ZNF506: variants seen among roughly 807,000 people sequenced by gnomAD.
ZNF506 encodes zinc finger protein 506.
Under a neutral mutation model 11.6 loss-of-function variants are expected in ZNF506, and 10 were observed. The observed-to-expected ratio is 0.86, with a 90% CI of 0.53 to 1.46. The LOEUF is 1.46. ZNF506 is among the 40% of genes most tolerant of loss of function. ZNF506 has a pLI of 0.00. For missense variants in ZNF506, 425 were observed against 521.2 expected (o/e 0.82, Z 1.80); for synonymous variants, 156 against 173.3 (o/e 0.90, Z 0.78).
At chr19:19,807,632 G>C (rs560462463) in intron 1 of ZNF506, among the ~76,000 whole-genome samples, 18 of 152,098 alleles carry the variant, frequency 1.2e-4, no homozygotes, top group Non-Finnish European at 2.2e-4. Context: ...TCAGCCTCCC[G>C]AGTAGCTGGG....
chr19:19,799,853 C>CAA (rs1390612857), intron 3 of ZNF506, among the ~76,000 whole-genome samples: 1 of 95,632 alleles, frequency 1.0e-5, no homozygotes, highest in African/African-American at 3.6e-5. Context: ...TCTAAAAAGA[C>CAA]AAAGTACCCA....
At chr19:19,806,808 C>A in intron 2 of ZNF506, 134 bp downstream of exon 2, 1 of 1,124,368 alleles carries the variant, frequency 8.9e-7, no homozygotes, top group East Asian at 3.0e-5. Context: ...TGAAAAAATT[C>A]TGAAGATTTT....
At chr19:19,807,469 G>GT (rs552773353) in intron 1 of ZNF506, among the ~76,000 whole-genome samples, 48 of 151,236 alleles carry the variant, frequency 3.2e-4, no homozygotes, top group African/African-American at 5.6e-4. Context: ...TGTTATGCAG[G>GT]TTTTTTTTTC....
chr19:19,819,681 G>T (rs1042978330), intron 1 of ZNF506, among the ~76,000 whole-genome samples: 1 of 152,178 alleles, frequency 6.6e-6, no homozygotes, highest in Non-Finnish European at 1.5e-5. Flanking sequence ...AAAAATAAAA[G>T]ACAAAGAGGC....
chr19:19,814,380 C>T (rs2062911162), intron 1 of ZNF506, among the ~76,000 whole-genome samples: 1 of 138,548 alleles, frequency 7.2e-6, no homozygotes, highest in African/African-American at 2.6e-5. Flanking sequence ...TGCACACCAC[C>T]CTGGGCAGCA....
intron 3 of ZNF506, among the ~76,000 whole-genome samples, chr19:19,803,331 G>A (rs529806526): frequency 1.5e-4 from 23 of 152,304 alleles, no homozygotes; most frequent in Non-Finnish European, 2.6e-4. Flanking sequence ...CCCTGGAACA[G>A]TTCAATGACT....
At chr19:19,805,428 AGT>A (rs972834686) in intron 3 of ZNF506, among the ~76,000 whole-genome samples, 44 of 151,812 alleles carry the variant, frequency 2.9e-4, no homozygotes, top group African/African-American at 1.0e-3. Context: ...TTAAAATTGC[AGT>A]GTTTTTTTTT....
intron 1 of ZNF506, among the ~76,000 whole-genome samples, chr19:19,809,756 T>C (rs2062870092): frequency 1.3e-5 from 2 of 152,196 alleles, no homozygotes; most frequent in South Asian, 4.1e-4. Flanking sequence ...AATGGAAATA[T>C]GTGCCACACT....
intron 1 of ZNF506, among the ~76,000 whole-genome samples, chr19:19,815,101 C>CA (rs571949854): frequency 0.015 from 2,211 of 150,922 alleles, 42 homozygotes; most frequent in Middle Eastern, 0.058. Flanking sequence ...ACTAAAAATA[C>CA]AAAAAAAAAT....
intron 3 of ZNF506, among the ~76,000 whole-genome samples, chr19:19,799,872 C>CAA (rs35531969): frequency 7.8e-6 from 1 of 128,758 alleles, no homozygotes. Context: ...CAACAGTCTT[C>CAA]AAAAAAAAAA....
At chr19:19,814,745 T>G (rs1189596610) in intron 1 of ZNF506, among the ~76,000 whole-genome samples, 1 of 150,330 alleles carries the variant, frequency 6.7e-6, no homozygotes, top group African/African-American at 2.4e-5. Context: ...GCAATGTAGG[T>G]GAGAGGACTG....
chr19:19,795,307 TTTTCTTATATGTAGTACGGGTTGAAGAC>T lies in ZNF506; in HGVS notation c.552_579del (p.Ser185LeufsTer56). ...TTATAGCGTTTCTCTCCAGCATCAA[TTTTCTTATATGTAGTACGGGTTGAAGAC>T]TGGTTAAAAGTTTTCCCATATTCTA... On this transcript the variant is annotated frameshift_variant, in exon 4 of 4. Transcript: ENST00000540806. LOFTEE classifies it low-confidence loss of function (END_TRUNC). 1 of 1,613,992 alleles carries T rather than the reference TTTTCTTATATGTAGTACGGGTTGAAGAC, an allele frequency of 6.2e-7. No individual in the cohort carries two copies. The highest frequency in any genetic ancestry group is 8.5e-7 in the Non-Finnish European group (1 of 1,179,972).
intron 1 of ZNF506, among the ~76,000 whole-genome samples, chr19:19,811,664 C>T (rs1466456080): frequency 3.3e-5 from 5 of 151,942 alleles, no homozygotes; most frequent in Admixed American, 6.6e-5. Flanking sequence ...TAGCCGGATG[C>T]GATGGCAGGC....
chr19:19,818,561 A>C (rs1358072408), intron 1 of ZNF506, among the ~76,000 whole-genome samples: 1 of 152,246 alleles, frequency 6.6e-6, no homozygotes, highest in Non-Finnish European at 1.5e-5. Flanking sequence ...AAAATTCCTG[A>C]ACTCACTCTG....
intron 3 of ZNF506, among the ~76,000 whole-genome samples, chr19:19,802,977 C>G (rs1369979866): frequency 6.6e-6 from 1 of 152,166 alleles, no homozygotes; most frequent in Non-Finnish European, 1.5e-5. Context: ...TGAGACCAGT[C>G]TGCGTTATGT....
intron 1 of ZNF506, among the ~76,000 whole-genome samples, chr19:19,810,479 C>G (rs2062875234): frequency 6.6e-6 from 1 of 152,140 alleles, no homozygotes; most frequent in African/African-American, 2.4e-5. Context: ...GGAGCTGGCA[C>G]TAAGGGTTTA....
chr19:19,820,302 A>G (rs2062959127), intron 1 of ZNF506: 1 of 152,230 alleles, frequency 6.6e-6, no homozygotes, highest in Non-Finnish European at 1.5e-5. Context: ...AAATTACTAC[A>G]TTAGGGGAAA....
chr19:19,810,555 T>A (rs1395593727), intron 1 of ZNF506, among the ~76,000 whole-genome samples: 5 of 152,048 alleles, frequency 3.3e-5, no homozygotes, highest in Admixed American at 2.0e-4. Flanking sequence ...GTCATCAAAA[T>A]TTTTTTAAAA....
chr19:19,818,171 C>G (rs12983878), intron 1 of ZNF506, among the ~76,000 whole-genome samples: 4 of 152,110 alleles, frequency 2.6e-5, no homozygotes, highest in Admixed American at 6.5e-5. Context: ...GCAAATATAT[C>G]TACTTCTTTC....
Sources: gnomAD v4.1 joint callset for allele counts (sites outside exome capture counted in the v4.1 genomes callset) on GRCh38, gnomAD v4.1.1 for gene constraint, MANE v1.5 for transcripts, NCBI Gene and HGNC (gene_info 2026-07-23, HGNC 2026-07-21) for gene names.